JMY: variants seen among roughly 807,000 people sequenced by gnomAD.
JMY encodes junction mediating and regulatory protein, p53 cofactor.
JMY carries 46 observed loss-of-function variants against 103.3 expected under a neutral mutation model. That is an observed-to-expected ratio of 0.45 (90% confidence interval 0.35 to 0.57). The LOEUF (loss-of-function observed/expected upper bound fraction) is 0.57. Ranked by LOEUF, JMY falls within the 20% of genes least tolerant of loss-of-function variation. The pLI is 0.00. For synonymous variants in JMY, 526 were observed against 489.3 expected, an observed-to-expected ratio of 1.07 and a Z score of -0.99; for missense variants, 1,238 against 1,255.2, an observed-to-expected ratio of 0.99 and a Z score of 0.21.
At chr5:79,312,686 G>A (rs914276330) in intron 8 of JMY, among the ~76,000 whole-genome samples, 188 bp downstream of exon 8, 6 of 151,994 alleles carry the variant, frequency 3.9e-5, no homozygotes, top group South Asian at 2.1e-4. Context: ...GTGGTTTTCC[G>A]AATTTAGTAT....
At position 79,300,680 on chromosome 5, in the gene JMY, A is replaced by T; in HGVS notation, c.1698A>T (p.Lys566Asn). 6.3e-7 allele frequency: 1 copy of T among 1,588,746 alleles called. No individual in the cohort carries two copies. Residue 566 changes from lysine (K) to asparagine (N), a missense_variant, in exon 6 of 11, where the codon AAA (lysine) becomes AAT (asparagine). Coordinates refer to ENST00000396137, the MANE Select transcript of JMY (RefSeq NM_152405.5). ...LESIKRLISE[K>N]RDEVVYYDTY... ...TTTTTTGCTGTTCTGTAACAGAAAA[A>T]AGAGATGAAGTGGTATACTATGACA...
At chr5:79,287,443 G>A (rs182720249) in intron 2 of JMY, among the ~76,000 whole-genome samples, 2 of 152,262 alleles carry the variant, frequency 1.3e-5, no homozygotes, top group East Asian at 1.9e-4. Context: ...GACTAATTAC[G>A]GATCTTTAAC....
intron 1 of JMY, among the ~76,000 whole-genome samples, chr5:79,243,550 T>A (rs1005596891): frequency 6.6e-6 from 1 of 152,196 alleles, no homozygotes; most frequent in African/African-American, 2.4e-5. Context: ...TGAGGACATA[T>A]GGGAGCTGTA....
intron 6 of JMY, among the ~76,000 whole-genome samples, chr5:79,301,474 G>A (rs1301291792): frequency 6.6e-6 from 1 of 152,180 alleles, no homozygotes; most frequent in Non-Finnish European, 1.5e-5. Context: ...TGTTCTCTGA[G>A]AACCCACCTT....
chr5:79,247,270 G>C (rs764989409), intron 1 of JMY, among the ~76,000 whole-genome samples: 7 of 152,110 alleles, frequency 4.6e-5, no homozygotes, highest in African/African-American at 7.2e-5. Flanking sequence ...TTTGGGATTA[G>C]AGAATGATGC....
At chr5:79,278,903 A>G (rs1250568682) in intron 2 of JMY, among the ~76,000 whole-genome samples, 1 of 150,876 alleles carries the variant, frequency 6.6e-6, no homozygotes, top group Non-Finnish European at 1.5e-5. Flanking sequence ...TTCTGGGACT[A>G]CAGGTGTGTG....
intron 4 of JMY, among the ~76,000 whole-genome samples, chr5:79,292,328 TTTG>T (rs901179663): frequency 1.3e-5 from 2 of 152,080 alleles, no homozygotes; most frequent in Non-Finnish European, 2.9e-5. Flanking sequence ...TATCTTCATC[TTTG>T]TTGTTGTTGT....
At chr5:79,298,826 AATT>A (rs1273304777) in intron 4 of JMY, among the ~76,000 whole-genome samples, 2 of 152,238 alleles carry the variant, frequency 1.3e-5, no homozygotes, top group Admixed American at 6.5e-5. Context: ...AAAATATTCT[AATT>A]ATTGGGTAAG....
intron 1 of JMY, among the ~76,000 whole-genome samples, chr5:79,237,900 A>G (rs1467795569): frequency 5.3e-5 from 8 of 151,240 alleles, no homozygotes; most frequent in Admixed American, 6.6e-5. Flanking sequence ...TTCCTCCCCC[A>G]TTTATCAAAA....
intron 1 of JMY, among the ~76,000 whole-genome samples, chr5:79,260,553 G>T (rs1278911742): frequency 6.7e-6 from 1 of 149,912 alleles, no homozygotes; most frequent in Admixed American, 6.6e-5. Flanking sequence ...GCTGATTTTT[G>T]TGGGTTTTTT....
intron 6 of JMY, among the ~76,000 whole-genome samples, chr5:79,305,928 T>C (rs1457869552): frequency 2.0e-5 from 3 of 152,190 alleles, no homozygotes; most frequent in African/African-American, 7.2e-5. Context: ...GTGCCATGAC[T>C]CATGCCTGTA....
chr5:79,287,036 A>G (rs1746290043), intron 2 of JMY, among the ~76,000 whole-genome samples: 1 of 152,134 alleles, frequency 6.6e-6, no homozygotes, highest in Admixed American at 6.5e-5. Flanking sequence ...AAAAGAGGGC[A>G]TTGCTTGCCT....
intron 1 of JMY, among the ~76,000 whole-genome samples, chr5:79,274,144 A>G (rs948875413): frequency 6.7e-6 from 1 of 149,714 alleles, no homozygotes; most frequent in East Asian, 2.0e-4. Flanking sequence ...TTTTTTTTCT[A>G]TAAGATTGGA....
intron 1 of JMY, among the ~76,000 whole-genome samples, chr5:79,255,613 G>A (rs986403999): frequency 2.0e-5 from 3 of 152,212 alleles, no homozygotes; most frequent in African/African-American, 7.2e-5. Context: ...GGACTTGGGT[G>A]TTGTGATGTA....
In JMY at chr5:79,252,233, A is replaced by G. The variant is rs556589871; in HGVS notation, c.1032+14551A>G. Among the ~76,000 whole-genome samples the G allele has an allele frequency of 3.1e-4, 47 of 151,722 alleles. 1 individual carries two copies. Among genetic ancestry groups the G allele is most frequent in the Admixed American group, 2.8e-3 (43 of 15,244 alleles). ...TTCATTGACCTACTGGTCATTCAGG[A>G]GCATATTGTTTAATTTCCATGTATT... On this transcript the variant is annotated intron_variant, in intron 1 of 10. Transcript: ENST00000396137.
intron 1 of JMY, among the ~76,000 whole-genome samples, chr5:79,272,345 C>A (rs930152646): frequency 6.6e-6 from 1 of 152,016 alleles, no homozygotes; most frequent in African/African-American, 2.4e-5. Flanking sequence ...GAGTTTAGTC[C>A]ATTTATATTT....
At chr5:79,254,156 T>C (rs1445251993) in intron 1 of JMY, among the ~76,000 whole-genome samples, 1 of 151,104 alleles carries the variant, frequency 6.6e-6, no homozygotes, top group Non-Finnish European at 1.5e-5. Flanking sequence ...GGTTTCGCGA[T>C]GTTGGGAAGG....
chr5:79,250,563 T>C (rs574543969), intron 1 of JMY, among the ~76,000 whole-genome samples: 9 of 152,248 alleles, frequency 5.9e-5, no homozygotes, highest in Middle Eastern at 3.4e-3. Context: ...CTGGAAGCCC[T>C]TAAAAATACC....
At chr5:79,282,262 CAGAA>C (rs1484766234) in intron 2 of JMY, among the ~76,000 whole-genome samples, 2 of 151,962 alleles carry the variant, frequency 1.3e-5, no homozygotes, top group East Asian at 1.9e-4. Flanking sequence ...TCTGTACTAA[CAGAA>C]AGCTAAATAA....
Sources: allele counts gnomAD v4.1 joint callset (sites outside exome capture counted in the v4.1 genomes callset), GRCh38; gene constraint gnomAD v4.1.1; transcripts MANE v1.5; gene names NCBI Gene and HGNC (gene_info 2026-07-23, HGNC 2026-07-21).